WDR88: variants seen among roughly 807,000 people sequenced by gnomAD.
WDR88 encodes WD repeat domain 88.
A neutral mutation model predicts 46.8 loss-of-function variants in WDR88; 40 were observed. The ratio of observed to expected loss-of-function variants is 0.86; its 90% CI spans 0.66 to 1.11. WDR88 has a LOEUF of 1.11. Ranked by LOEUF, WDR88 falls within the 50% of genes most tolerant of loss-of-function variation. The pLI, the probability that WDR88 is intolerant of heterozygous loss-of-function variation, is 0.00. For missense variants in WDR88, 562 were observed against 602.4 expected (o/e 0.93, Z 0.70); for synonymous variants, 235 against 240.7 (o/e 0.98, Z 0.22).
intron 1 of WDR88, among the ~76,000 whole-genome samples, chr19:33,135,545 G>T (rs1443344613): frequency 1.3e-5 from 2 of 151,786 alleles, no homozygotes; most frequent in African/African-American, 4.8e-5. Context: ...CAGTCTCCCA[G>T]TAGCTGGGCT....
chr19:33,138,825 G>A (rs1464052193), intron 2 of WDR88, among the ~76,000 whole-genome samples: 1 of 151,806 alleles, frequency 6.6e-6, no homozygotes, highest in Non-Finnish European at 1.5e-5. Context: ...TGGGACTACA[G>A]AGGCACGCCA....
At chr19:33,154,520 G>A (rs1032711199) in intron 6 of WDR88, among the ~76,000 whole-genome samples, 4 of 152,112 alleles carry the variant, frequency 2.6e-5, no homozygotes, top group African/African-American at 9.7e-5. Context: ...TGATGTCCCT[G>A]CAAAGGACAT....
At chr19:33,135,353 T>C (rs1435109915) in intron 1 of WDR88, among the ~76,000 whole-genome samples, 2 of 152,218 alleles carry the variant, frequency 1.3e-5, no homozygotes, top group Non-Finnish European at 2.9e-5. Context: ...TTCATCCATG[T>C]TGTAGCCTGT....
At chr19:33,142,430 G>T (rs974855296) in intron 2 of WDR88, among the ~76,000 whole-genome samples, 1 of 151,990 alleles carries the variant, frequency 6.6e-6, no homozygotes, top group African/African-American at 2.4e-5. Flanking sequence ...GTGCGGGTGG[G>T]GAACACTTGG....
chr19:33,136,487 G>A (rs566547901), intron 1 of WDR88, among the ~76,000 whole-genome samples: 7 of 151,328 alleles, frequency 4.6e-5, no homozygotes, highest in East Asian at 4.0e-4. Context: ...CACCGCGCCC[G>A]GCCACACTAT....
chr19:33,168,262 G>A (rs1016875548), intron 9 of WDR88, among the ~76,000 whole-genome samples: 4 of 151,992 alleles, frequency 2.6e-5, no homozygotes, highest in Admixed American at 2.0e-4. Flanking sequence ...TCCTGACCCC[G>A]TGATCCACCC....
intron 9 of WDR88, among the ~76,000 whole-genome samples, chr19:33,164,479 C>T (rs535108706): frequency 1.3e-5 from 2 of 152,330 alleles, no homozygotes; most frequent in East Asian, 1.9e-4. Flanking sequence ...GTGTCTGTAC[C>T]GTTGACATTT....
chr19:33,151,156 A>G, intron 5 of WDR88, 25 bp from the exon 6 acceptor site: 1 of 1,607,232 alleles, frequency 6.2e-7, no homozygotes, highest in Non-Finnish European at 8.5e-7. Flanking sequence ...CGTGGTCTCA[A>G]GTCCCTTTCC....
chr19:33,144,330 G>A (rs1414570394), intron 2 of WDR88, among the ~76,000 whole-genome samples: 2 of 152,282 alleles, frequency 1.3e-5, no homozygotes, highest in East Asian at 1.9e-4. Context: ...CTCATGAATA[G>A]CTGGGACTAC....
intron 1 of WDR88, among the ~76,000 whole-genome samples, chr19:33,137,106 CTTCTTCTT>C (rs1390335809): frequency 4.0e-5 from 4 of 99,928 alleles, no homozygotes; most frequent in African/African-American, 2.8e-4. Flanking sequence ...CATTTTCTTT[CTTCTTCTT>C]TTTTTTTTTT....
chr19:33,158,071 G>A (rs1973796079), intron 7 of WDR88, among the ~76,000 whole-genome samples: 1 of 152,072 alleles, frequency 6.6e-6, no homozygotes, highest in Middle Eastern at 3.2e-3. Context: ...AGAGGTGAAT[G>A]GGGGCAGTGA....
chr19:33,162,460 G>T (rs934472027), intron 8 of WDR88, among the ~76,000 whole-genome samples: 4 of 151,398 alleles, frequency 2.6e-5, no homozygotes, highest in African/African-American at 4.9e-5. Flanking sequence ...TGATCTATCC[G>T]CCTCGGCCTC....
intron 1 of WDR88, among the ~76,000 whole-genome samples, chr19:33,134,871 C>T (rs1271998953): frequency 7.1e-6 from 1 of 141,570 alleles, no homozygotes; most frequent in African/African-American, 2.6e-5. Context: ...CACCTGCAAC[C>T]GGAAGGCCAC....
At position 33,175,464 on chromosome 19, in the gene WDR88, C is replaced by T. The variant is rs760463708; in HGVS notation, c.1311C>T (p.Cys437=). 1.2e-6 allele frequency: 2 copies of T among 1,614,040 alleles called. No homozygotes were observed. Among genetic ancestry groups the T allele is most frequent in the Admixed American group, 1.7e-5 (1 of 59,990 alleles). Residue 437 remains cysteine (C), a synonymous_variant, in exon 11 of 11, where the codon TGC becomes TGT. Transcript: ENST00000355868. ...CCTCTTCTGAAATGTTCACCCAATG[C>T]GTGTTCTGCCGGATAGATACAAGGG... The part of the protein sequence containing the change: ...SDTSSEMFTQ[C]VFCRIDTRGL...
intron 7 of WDR88, among the ~76,000 whole-genome samples, chr19:33,157,677 GTGTATGTATGTATATATATA>G (rs1327811811): frequency 5.5e-3 from 19 of 3,448 alleles, no homozygotes; most frequent in Admixed American, 0.017. Flanking sequence ...ATGTGTGTGT[GTGTATGTATGTATATATATA>G]TATATATATA....
rs1395856779 is a variant in WDR88, at chr19:33,132,205, T to A, written c.36T>A (p.His12Gln). 6.2e-7 allele frequency: 1 copy of A among 1,607,656 alleles called. No homozygotes were observed. Reference sequence around the variant, plus strand: ...CGCCGCGGTGCTCCCCGACAGCCCATGACAGGGAATGCAAGTTGCCGCCAC... The same window carrying A: ...CGCCGCGGTGCTCCCCGACAGCCCAAGACAGGGAATGCAAGTTGCCGCCAC... ...ASPPRCSPTA[H>Q]DRECKLPPPS... The change falls in exon 1 of 11, where the codon CAT becomes CAA. Residue 12 changes from histidine (H) to glutamine (Q), a missense_variant. By Grantham distance (24) the His-to-Gln change is conservative. Transcript: ENST00000355868.
chr19:33,152,809 C>T (rs1973661903), intron 6 of WDR88, among the ~76,000 whole-genome samples: 1 of 152,008 alleles, frequency 6.6e-6, no homozygotes, highest in Admixed American at 6.6e-5. Flanking sequence ...ATCATGTTGG[C>T]CAGGCTGGTC....
rs1302376722 is a variant in WDR88, at chr19:33,139,718, TTTTG to T, written c.387+1947_387+1950del. ...TCAGTCAATCCCCACTATTGTCTGT[TTTTG>T]TTTGTTTGTTTGTTTTTAATGAATT... is the stretch of plus-strand genomic sequence containing the variant. On this transcript the variant is annotated intron_variant, in intron 2 of 10. Transcript: ENST00000355868. Among the ~76,000 whole-genome samples, 10 of 152,246 alleles carry T rather than the reference TTTTG, an allele frequency of 6.6e-5. No individual in the cohort carries two copies. In the South Asian group the frequency reaches 8.3e-4, roughly 13 times the overall value.
chr19:33,137,541 C>A (rs890295854), intron 1 of WDR88, 136 bp from the exon 2 acceptor site: 4 of 713,904 alleles, frequency 5.6e-6, no homozygotes, highest in African/African-American at 3.6e-5. Context: ...ACGTGAACCA[C>A]CCCCCTGGCC....
Sources: gnomAD v4.1 joint callset for allele counts (sites outside exome capture counted in the v4.1 genomes callset) on GRCh38, gnomAD v4.1.1 for gene constraint, MANE v1.5 for transcripts, NCBI Gene and HGNC (gene_info 2026-07-23, HGNC 2026-07-21) for gene names.